NAP1L4: variants seen among roughly 807,000 people sequenced by gnomAD.
NAP1L4 encodes the protein nucleosome assembly protein 1-like 4.
In NAP1L4, 15 loss-of-function variants were observed where a neutral mutation model predicts 58.2. The observed-to-expected ratio is 0.26, with a 90% CI of 0.17 to 0.40. NAP1L4 has a LOEUF of 0.40. Ranked by LOEUF, NAP1L4 falls within the 10% of genes least tolerant of loss-of-function variation. NAP1L4 has a pLI of 1.00. For missense variants in NAP1L4, 384 were observed against 451.1 expected, an observed-to-expected ratio of 0.85 and a Z score of 1.35; for synonymous variants, 171 against 155.6, an observed-to-expected ratio of 1.10 and a Z score of -0.74.
At chr11:2,982,520 T>C (rs1035386583) in intron 1 of NAP1L4, among the ~76,000 whole-genome samples, 1 of 152,216 alleles carries the variant, frequency 6.6e-6, no homozygotes, top group South Asian at 2.1e-4. Context: ...AGGCACTTCA[T>C]ACATTTAATA....
At chr11:2,961,671 C>CCA (rs1290937357) in intron 8 of NAP1L4, among the ~76,000 whole-genome samples, 4 of 152,078 alleles carry the variant, frequency 2.6e-5, no homozygotes, top group Non-Finnish European at 4.4e-5. Context: ...TGGTCCTTCA[C>CCA]CATGTCCTAC....
chr11:2,991,815 C>G (rs1848991109), intron 1 of NAP1L4: 1 of 152,270 alleles, frequency 6.6e-6, no homozygotes, highest in South Asian at 2.1e-4. Context: ...GAAGCCTGAA[C>G]GCTCCGGCGC....
rs1395650249 is a variant in NAP1L4, at chr11:2,949,702, C to T, written c.1123-438G>A. 6.6e-6 allele frequency among the ~76,000 whole-genome samples: 1 copy of T among 152,216 alleles called. No homozygotes were observed. The highest frequency in any genetic ancestry group is 1.5e-5 in the Non-Finnish European group (1 of 68,044). Reference sequence around the variant, plus strand: ...TTCATGGGGTGTTAGCATGTGTAATCCACCACATCATGTTCTCTGTAATGG... The same window carrying T: ...TTCATGGGGTGTTAGCATGTGTAATTCACCACATCATGTTCTCTGTAATGG... On this transcript the variant is annotated intron_variant, in intron 14 of 15. Coordinates refer to ENST00000380542, the MANE Select transcript of NAP1L4 (RefSeq NM_005969.4). The surrounding 1 kb of genome is among the most constrained non-coding windows in gnomAD (Gnocchi z 4.0).
chr11:2,980,422 G>C (rs533009998), intron 1 of NAP1L4, among the ~76,000 whole-genome samples: 1 of 152,176 alleles, frequency 6.6e-6, no homozygotes, highest in Non-Finnish European at 1.5e-5. Context: ...CTGGCCTCAA[G>C]AGATCCTCCC....
At chr11:2,986,677 C>T (rs1015157012) in intron 1 of NAP1L4, among the ~76,000 whole-genome samples, 22 of 146,712 alleles carry the variant, frequency 1.5e-4, no homozygotes, top group African/African-American at 5.3e-4. Context: ...CCCAGGCTGG[C>T]GTGCAGTGGC....
At chr11:2,986,731 C>T (rs1406489518) in intron 1 of NAP1L4, among the ~76,000 whole-genome samples, 5 of 151,544 alleles carry the variant, frequency 3.3e-5, no homozygotes, top group Non-Finnish European at 7.4e-5. Flanking sequence ...GTTTCTCCTG[C>T]CTCAGCCTCC....
chr11:2,962,095 C>G (rs1383228551), intron 8 of NAP1L4, among the ~76,000 whole-genome samples: 1 of 144,070 alleles, frequency 6.9e-6, no homozygotes, highest in Non-Finnish European at 1.5e-5. Context: ...TGGCTCATGT[C>G]TGTAATCCCA....
chr11:2,947,436 C>A (rs1447494860), intron 15 of NAP1L4, among the ~76,000 whole-genome samples: 1 of 152,248 alleles, frequency 6.6e-6, no homozygotes, highest in African/African-American at 2.4e-5. Context: ...CTGGGAAGAG[C>A]TGCCTCCCCC....
intron 3 of NAP1L4, 90 bp from the exon 4 acceptor site, chr11:2,976,213 T>C: frequency 1.2e-6 from 1 of 866,832 alleles, no homozygotes; most frequent in Non-Finnish European, 1.8e-6. Flanking sequence ...CTACTTAGCT[T>C]TGCCTAGATT....
chr11:2,973,336 GC>G (rs1377844462), intron 4 of NAP1L4, among the ~76,000 whole-genome samples: 2 of 152,170 alleles, frequency 1.3e-5, no homozygotes, highest in Non-Finnish European at 2.9e-5. Context: ...TCAAAACGAA[GC>G]CCCTGGTCAC....
At chr11:2,966,607 C>G (rs1208839755) in intron 7 of NAP1L4, among the ~76,000 whole-genome samples, 1 of 152,116 alleles carries the variant, frequency 6.6e-6, no homozygotes, top group African/African-American at 2.4e-5. Flanking sequence ...AAAACAGCAA[C>G]AAAAAGATAC....
intron 15 of NAP1L4, among the ~76,000 whole-genome samples, chr11:2,947,351 C>T (rs756562141): frequency 6.6e-6 from 1 of 152,172 alleles, no homozygotes; most frequent in Non-Finnish European, 1.5e-5. Flanking sequence ...GAATAGAGTC[C>T]GCATAGAACA....
intron 1 of NAP1L4, chr11:2,992,051 T>TCCAGGCCCCAAGCC (rs1413107546): frequency 1.3e-5 from 2 of 151,972 alleles, no homozygotes; most frequent in African/African-American, 2.4e-5. Flanking sequence ...AGGCCCGGGC[T>TCCAGGCCCCAAGCC]CCAGGCCCCA....
At position 2,946,803 on chromosome 11, in the gene NAP1L4, C is replaced by T. The variant is rs1308094843; in HGVS notation, c.*33-1157G>A. 6.6e-6 allele frequency among the ~76,000 whole-genome samples: 1 copy of T among 152,224 alleles called. No homozygotes were observed. The highest frequency in any genetic ancestry group is 1.5e-5 in the Non-Finnish European group (1 of 68,036). On this transcript the variant is annotated intron_variant, in intron 15 of 15. Transcript: ENST00000380542. This position sits in a 1 kb window ranked among gnomAD's most constrained non-coding sequence, Gnocchi z 4.8. ...AAGACAAAACGAGGCTGACCAAAAA[C>T]CCTCGCCATGTCAATCTGACATTCA...
At chr11:2,952,151 T>G (rs1326109043) in intron 12 of NAP1L4, 2 of 358,492 alleles carry the variant, frequency 5.6e-6, no homozygotes, top group East Asian at 1.0e-4. Flanking sequence ...TGTAAACCGA[T>G]GAATTTGTTT....
chr11:2,988,473 G>A (rs551453635), intron 1 of NAP1L4, among the ~76,000 whole-genome samples: 4 of 152,288 alleles, frequency 2.6e-5, no homozygotes, highest in South Asian at 2.1e-4. Flanking sequence ...TTTATTCTGC[G>A]GGAGGCCCCA....
At chr11:2,970,792 T>C (rs1218879742) in intron 6 of NAP1L4, among the ~76,000 whole-genome samples, 1 of 152,072 alleles carries the variant, frequency 6.6e-6, no homozygotes, top group African/African-American at 2.4e-5. Flanking sequence ...TAGGCCAGGT[T>C]CTATATATTT....
Position 2,954,444 on chromosome 11 carries a change from T to A in NAP1L4, c.1035+83A>T. On this transcript the variant is annotated intron_variant, in intron 12 of 15. Coordinates refer to ENST00000380542, the MANE Select transcript of NAP1L4 (RefSeq NM_005969.4). This position sits in a 1 kb window ranked among gnomAD's most constrained non-coding sequence, Gnocchi z 4.8. ...GTAATAAAAAGATTAGGCATGGGGG[T>A]TTCCTAAGCCACAATTCAGGGCCAC... 1 of 1,591,574 alleles carries A rather than the reference T, an allele frequency of 6.3e-7. No individual in the cohort carries two copies. Among genetic ancestry groups the A allele is most frequent in the Non-Finnish European group, 8.6e-7 (1 of 1,161,456 alleles).
chr11:2,963,268 G>A (rs948694313), intron 8 of NAP1L4, among the ~76,000 whole-genome samples: 5 of 152,054 alleles, frequency 3.3e-5, no homozygotes, highest in Admixed American at 6.6e-5. Context: ...TTAAAGCACC[G>A]CACGCTCACA....
Sources: allele counts gnomAD v4.1 joint callset (sites outside exome capture counted in the v4.1 genomes callset), GRCh38; gene constraint gnomAD v4.1.1; non-coding constraint Gnocchi (gnomAD v3.1); transcripts MANE v1.5; gene names NCBI Gene and HGNC (gene_info 2026-07-23, HGNC 2026-07-21).